IRAG2: variants seen among roughly 807,000 people sequenced by gnomAD.
IRAG2 encodes lymphoid restricted membrane protein.
A neutral mutation model predicts 69.9 loss-of-function variants in IRAG2; 45 were observed. The observed-to-expected ratio is 0.64, with a 90% CI of 0.51 to 0.83. The LOEUF (loss-of-function observed/expected upper bound fraction) is 0.83, where lower values mean the gene tolerates loss of function less well. IRAG2 is among the 40% of genes least tolerant of loss of function. The pLI is 0.00. For synonymous variants in IRAG2, 193 were observed against 202.4 expected, an observed-to-expected ratio of 0.95 and a Z score of 0.40; for missense variants, 520 against 587.0, an observed-to-expected ratio of 0.89 and a Z score of 1.18.
intron 17 of IRAG2, chr12:25,102,749 G>C (rs181807721): frequency 1.3e-5 from 2 of 153,418 alleles, no homozygotes; most frequent in African/African-American, 2.4e-5. Context: ...TCTTTGTTAC[G>C]AATGAGACTG....
chr12:25,053,536 A>T, intron 1 of IRAG2, among the ~76,000 whole-genome samples: 1 of 152,168 alleles, frequency 6.6e-6, no homozygotes, highest in African/African-American at 2.4e-5. Flanking sequence ...TTTCTGTATT[A>T]CCCAAAAGTA....
At chr12:25,075,506 C>CTG (rs1035420546) in intron 6 of IRAG2, among the ~76,000 whole-genome samples, 1 of 141,990 alleles carries the variant, frequency 7.0e-6, no homozygotes, top group African/African-American at 2.7e-5. Context: ...AATAATATTG[C>CTG]TGTGTGTGTG....
intron 5 of IRAG2, among the ~76,000 whole-genome samples, chr12:25,016,027 C>A (rs970618016): frequency 1.3e-5 from 2 of 152,048 alleles, no homozygotes; most frequent in African/African-American, 4.8e-5. Context: ...GAAATGCTGT[C>A]TCTACCAAAA....
chr12:25,107,093 G>A (rs752106415), intron 21 of IRAG2, 43 bp downstream of exon 21: 92 of 1,139,188 alleles, frequency 8.1e-5, no homozygotes, highest in Non-Finnish European at 1.1e-4. Context: ...TAGTGGAATG[G>A]GAAAGGGTGA....
intron 16 of IRAG2, among the ~76,000 whole-genome samples, chr12:25,101,684 A>T (rs182231765): frequency 1.7e-4 from 26 of 152,388 alleles, no homozygotes; most frequent in African/African-American, 6.3e-4. Flanking sequence ...CGCTGCCATC[A>T]GCAACGGTTT....
intron 16 of IRAG2, among the ~76,000 whole-genome samples, chr12:25,043,187 G>T (rs1056937617): frequency 2.0e-5 from 3 of 152,134 alleles, no homozygotes; most frequent in Non-Finnish European, 2.9e-5. Context: ...GCTTCATCAA[G>T]GCTGGTAGGA....
chr12:25,039,461 C>T (rs1331254715), intron 16 of IRAG2, among the ~76,000 whole-genome samples: 1 of 152,194 alleles, frequency 6.6e-6, no homozygotes, highest in Non-Finnish European at 1.5e-5. Context: ...GACGAAGTCT[C>T]GCTCTGTCAC....
intron 4 of IRAG2, among the ~76,000 whole-genome samples, chr12:25,064,525 G>C (rs1945843526): frequency 6.6e-6 from 1 of 152,182 alleles, no homozygotes; most frequent in Admixed American, 6.5e-5. Flanking sequence ...GGTCAAAGTA[G>C]TGACACCTCT....
intron 14 of IRAG2, among the ~76,000 whole-genome samples, chr12:25,096,127 G>A (rs925482481): frequency 9.1e-5 from 2 of 21,910 alleles, no homozygotes; most frequent in Non-Finnish European, 5.7e-3. Context: ...CCACTGGACA[G>A]ATAAGGAACA....
chr12:25,031,102 G>T (rs1591931457), intron 10 of IRAG2: 1 of 980,890 alleles, frequency 1.0e-6, no homozygotes, highest in Admixed American at 6.1e-5. Context: ...AAACAGAGAA[G>T]TGAAGAAAGA....
At chr12:25,046,015 C>T (rs530390665) in intron 16 of IRAG2, among the ~76,000 whole-genome samples, 1 of 152,152 alleles carries the variant, frequency 6.6e-6, no homozygotes, top group East Asian at 1.9e-4. Context: ...AAGGCTTATA[C>T]ACTATGACCA....
At chr12:25,059,915 G>A (rs1478313250) in intron 1 of IRAG2, among the ~76,000 whole-genome samples, 1 of 152,094 alleles carries the variant, frequency 6.6e-6, no homozygotes, top group Non-Finnish European at 1.5e-5. Context: ...TTATGCTCAT[G>A]ACTCAGAATT....
At chr12:25,013,898 A>C (rs2139824738) in intron 3 of IRAG2, among the ~76,000 whole-genome samples, 2 of 100,116 alleles carry the variant, frequency 2.0e-5, no homozygotes, top group Admixed American at 2.7e-4. Flanking sequence ...TTTTTGAGAC[A>C]GAGTCTCGCT....
chr12:25,026,474 T>C (rs1284725932), intron 8 of IRAG2, among the ~76,000 whole-genome samples: 3 of 152,018 alleles, frequency 2.0e-5, no homozygotes, highest in Non-Finnish European at 2.9e-5. Context: ...TGAAGGATAA[T>C]GAAAAGGTGG....
Position 25,107,800 on chromosome 12 carries a change from T to C in IRAG2, c.1257-17T>C. On this transcript the variant is annotated splice_polypyrimidine_tract_variant and intron_variant, in intron 21 of 21. Coordinates refer to ENST00000556887, the MANE Select transcript of IRAG2 (RefSeq NM_001366544.2). Reference sequence around the variant, plus strand: ...CAAATTACCGATTACCAAATTCTATTTGTGTTTTCCTTATAGTTATGACAC... The same window carrying C: ...CAAATTACCGATTACCAAATTCTATCTGTGTTTTCCTTATAGTTATGACAC... 1 of 1,600,138 alleles carries C rather than the reference T, an allele frequency of 6.2e-7. No individual in the cohort carries two copies. Among genetic ancestry groups the C allele is most frequent in the Non-Finnish European group, 8.6e-7 (1 of 1,168,614 alleles).
At chr12:25,082,618 A>G (rs199956076) in intron 9 of IRAG2, among the ~76,000 whole-genome samples, 1 of 145,636 alleles carries the variant, frequency 6.9e-6, no homozygotes, top group African/African-American at 2.5e-5. Flanking sequence ...AACAAAAAAC[A>G]AAAACAAACA....
chr12:25,031,684 T>C (rs1944668848), intron 10 of IRAG2, among the ~76,000 whole-genome samples: 1 of 152,122 alleles, frequency 6.6e-6, no homozygotes, highest in African/African-American at 2.4e-5. Context: ...TGTTTTTTTG[T>C]TTTGTTTCAC....
intron 5 of IRAG2, among the ~76,000 whole-genome samples, chr12:25,066,749 A>C (rs993726300): frequency 1.3e-5 from 2 of 150,754 alleles, no homozygotes; most frequent in Admixed American, 6.6e-5. Context: ...TCCCGAGGTC[A>C]AGCAATTCTC....
At chr12:25,041,377 CTTCT>C (rs1280735582) in intron 16 of IRAG2, among the ~76,000 whole-genome samples, 2 of 152,072 alleles carry the variant, frequency 1.3e-5, no homozygotes, top group Non-Finnish European at 2.9e-5. Context: ...TTATCTTTTT[CTTCT>C]TTCTTTGTGA....
Sources: gnomAD v4.1 joint callset for allele counts (sites outside exome capture counted in the v4.1 genomes callset) on GRCh38, gnomAD v4.1.1 for gene constraint, MANE v1.5 for transcripts, NCBI Gene and HGNC (gene_info 2026-07-23, HGNC 2026-07-21) for gene names.